Variants in MEF2A observed in about 807,000 individuals in gnomAD.
MEF2A encodes myocyte-specific enhancer factor 2A.
MEF2A carries 28 observed loss-of-function variants against 55.8 expected under a neutral mutation model. The ratio of observed to expected loss-of-function variants is 0.50; its 90% CI spans 0.37 to 0.69. The LOEUF is 0.69. Ranked by LOEUF, MEF2A falls within the 30% of genes least tolerant of loss-of-function variation. The probability of loss-of-function intolerance (pLI) is 0.00; values close to 1 mark genes in which losing one functional copy is unlikely to be tolerated. For missense variants in MEF2A, 528 were observed against 626.2 expected (o/e 0.84, Z 1.67); for synonymous variants, 239 against 227.1 (o/e 1.05, Z -0.47).
chr15:99,692,297 A>C (rs770419268), intron 8 of MEF2A, among the ~76,000 whole-genome samples: 6 of 152,328 alleles, frequency 3.9e-5, no homozygotes, highest in Non-Finnish European at 8.8e-5. Context: ...CCAAATCTCT[A>C]AGTCTTACAG....
intron 11 of MEF2A, 125 bp downstream of exon 11, chr15:99,710,885 T>C (rs1163250877): frequency 4.4e-6 from 5 of 1,131,770 alleles, no homozygotes; most frequent in Non-Finnish European, 6.1e-6. Flanking sequence ...CCTTTTCAGG[T>C]AGATACAAGT....
chr15:99,663,526 G>T (rs1421205966), intron 4 of MEF2A, among the ~76,000 whole-genome samples: 1 of 151,264 alleles, frequency 6.6e-6, no homozygotes, highest in Non-Finnish European at 1.5e-5. Flanking sequence ...AAGTTTTTAT[G>T]TATATAAAAC....
intron 10 of MEF2A, among the ~76,000 whole-genome samples, chr15:99,707,558 A>G (rs1398438319): frequency 6.6e-6 from 1 of 152,226 alleles, no homozygotes; most frequent in East Asian, 1.9e-4. Flanking sequence ...TTAGCCAAGC[A>G]GACTGTATGG....
chr15:99,567,564 A>C (rs1383872228), intron 1 of MEF2A, among the ~76,000 whole-genome samples: 4 of 151,762 alleles, frequency 2.6e-5, no homozygotes, highest in Admixed American at 6.6e-5. Flanking sequence ...CATTTCTTTT[A>C]ATATGAATTT....
At chr15:99,675,364 C>G (rs1316803837) in intron 6 of MEF2A, 35 bp from the exon 7 acceptor site, 1 of 1,573,196 alleles carries the variant, frequency 6.4e-7, no homozygotes, top group African/African-American at 1.3e-5. Context: ...CATATTCATT[C>G]TCTGCCCTCT....
chr15:99,598,091 C>CTA (rs1285097077), intron 1 of MEF2A, among the ~76,000 whole-genome samples: 9 of 152,062 alleles, frequency 5.9e-5, no homozygotes, highest in Non-Finnish European at 8.8e-5. Flanking sequence ...ATAGGCTATA[C>CTA]GCACAGTACA....
At chr15:99,643,318 A>G (rs1005663441) in intron 3 of MEF2A, among the ~76,000 whole-genome samples, 7 of 152,214 alleles carry the variant, frequency 4.6e-5, no homozygotes, top group African/African-American at 1.2e-4. Context: ...TATGACAACC[A>G]AAAACTTACT....
intron 7 of MEF2A, among the ~76,000 whole-genome samples, chr15:99,677,013 C>G (rs543030048): frequency 1.3e-5 from 2 of 151,922 alleles, no homozygotes; most frequent in African/African-American, 4.8e-5. Context: ...CCCAGCTACT[C>G]AGGAGGCTGA....
At chr15:99,620,843 C>G (rs139027871) in intron 2 of MEF2A, 1 of 132,350 alleles carries the variant, frequency 7.6e-6, no homozygotes, top group Non-Finnish European at 1.6e-5. Context: ...TCACAAACAT[C>G]TTTTTTTTTT....
chr15:99,643,642 A>T (rs2045428288), intron 3 of MEF2A, among the ~76,000 whole-genome samples: 2 of 147,546 alleles, frequency 1.4e-5, no homozygotes, highest in South Asian at 4.3e-4. Flanking sequence ...CCCAGGCTGG[A>T]GTGCAGTGGT....
chr15:99,712,526 CAGCAGCAGCA>C lies in MEF2A; in HGVS notation c.1274_1283del (p.Gln425ArgfsTer29), dbSNP rs2058760155. On this transcript the variant is annotated frameshift_variant, in exon 12 of 12. Coordinates refer to ENST00000557942, the MANE Select transcript of MEF2A (RefSeq NM_001319206.4). LOFTEE classifies it high-confidence loss of function. The surrounding 1 kb of genome is among the most constrained non-coding windows in gnomAD (Gnocchi z 4.1). The stretch of plus-strand genomic sequence containing the variant: ...CTTCCAGCAGCAGCAGCAGCAGCAG[CAGCAGCAGCA>C]GCCGCCGCCACCACCGCAGCCCCAG... The C allele has an allele frequency of 1.9e-6, 3 of 1,550,126 alleles. No individual in the cohort carries two copies. In the African/African-American group the frequency reaches 4.1e-5, roughly 21 times the overall value.
At chr15:99,627,620 A>G (rs1269332166) in intron 2 of MEF2A, among the ~76,000 whole-genome samples, 3 of 152,142 alleles carry the variant, frequency 2.0e-5, no homozygotes, top group Non-Finnish European at 4.4e-5. Context: ...TATTCCAAGT[A>G]TAGTTTGTAG....
chr15:99,632,871 A>T (rs941051655), intron 2 of MEF2A, 107 bp from the exon 3 acceptor site: 3 of 327,312 alleles, frequency 9.2e-6, no homozygotes, highest in Non-Finnish European at 1.7e-5. Flanking sequence ...AGAAATTTCA[A>T]CTAATAATGC....
intron 5 of MEF2A, among the ~76,000 whole-genome samples, chr15:99,673,858 CT>C (rs11321800): frequency 0.64 from 95,989 of 149,556 alleles, 34,084 homozygotes; most frequent in Middle Eastern, 0.85. Flanking sequence ...TATATAATTA[CT>C]TTTTTTTTTT....
At chr15:99,701,806 G>A (rs943499994) in intron 8 of MEF2A, among the ~76,000 whole-genome samples, 7 of 152,182 alleles carry the variant, frequency 4.6e-5, no homozygotes, top group Non-Finnish European at 8.8e-5. Context: ...CACCTTTCAG[G>A]TACTGGATAT....
At chr15:99,681,618 T>C (rs995810558) in intron 7 of MEF2A, among the ~76,000 whole-genome samples, 1 of 152,182 alleles carries the variant, frequency 6.6e-6, no homozygotes, top group Admixed American at 6.5e-5. Context: ...AGATGGGGAA[T>C]ACAGTATTCA....
intron 10 of MEF2A, among the ~76,000 whole-genome samples, chr15:99,707,811 CT>C (rs1328332240): frequency 6.6e-6 from 1 of 152,146 alleles, no homozygotes; most frequent in Non-Finnish European, 1.5e-5. Flanking sequence ...AGGGTAAATG[CT>C]TTGGCACAGA....
intron 2 of MEF2A, among the ~76,000 whole-genome samples, chr15:99,605,623 T>C (rs1403661701): frequency 6.6e-6 from 1 of 151,908 alleles, no homozygotes; most frequent in Non-Finnish European, 1.5e-5. Flanking sequence ...GTAGGATTCT[T>C]GGCTCAGGGC....
At chr15:99,683,005 AC>A (rs892330943) in intron 7 of MEF2A, among the ~76,000 whole-genome samples, 35 of 152,316 alleles carry the variant, frequency 2.3e-4, no homozygotes, top group African/African-American at 7.7e-4. Flanking sequence ...TTTCTATTTA[AC>A]CTTCCTATTT....
Sources: gnomAD v4.1 joint callset for allele counts (sites outside exome capture counted in the v4.1 genomes callset) on GRCh38, gnomAD v4.1.1 for gene constraint, Gnocchi (gnomAD v3.1) non-coding constraint, MANE v1.5 for transcripts, NCBI Gene and HGNC (gene_info 2026-07-23, HGNC 2026-07-21) for gene names.